The following FNIP1 variants were observed in gnomAD, a reference collection of about 807,000 sequenced individuals.
FNIP1 encodes the protein folliculin-interacting protein 1.
FNIP1 carries 40 observed loss-of-function variants against 124.5 expected under a neutral mutation model. That is an observed-to-expected ratio of 0.32 (90% CI 0.25 to 0.42). The LOEUF (loss-of-function observed/expected upper bound fraction) is 0.42, where lower values mean the gene tolerates loss of function less well. Among genes scored for constraint, FNIP1 ranks in the 10% least tolerant of loss-of-function variants. The pLI, the probability that FNIP1 is intolerant of heterozygous loss-of-function variation, is 1.00. For synonymous variants in FNIP1, 472 were observed against 470.6 expected (o/e 1.00, Z -0.04); for missense variants, 1,176 against 1,403.7 (o/e 0.84, Z 2.59).
chr5:131,656,819 A>C (rs1384887298), intron 15 of FNIP1, among the ~76,000 whole-genome samples: 1 of 152,128 alleles, frequency 6.6e-6, no homozygotes, highest in Non-Finnish European at 1.5e-5. Context: ...CCGAGATTTA[A>C]GGCAGGAAGG....
chr5:131,703,405 A>G (rs1279135532), intron 10 of FNIP1, among the ~76,000 whole-genome samples: 3 of 152,156 alleles, frequency 2.0e-5, no homozygotes, highest in East Asian at 1.9e-4. Context: ...AAACCCTCCA[A>G]TGGTTTCCCA....
chr5:131,682,478 G>A (rs1335679291), intron 11 of FNIP1, among the ~76,000 whole-genome samples: 1 of 151,980 alleles, frequency 6.6e-6, no homozygotes, highest in African/African-American at 2.4e-5. Flanking sequence ...CAGCACTTTG[G>A]GAGGTCTAGG....
chr5:131,764,307 CTTT>C (rs77846852), intron 1 of FNIP1, among the ~76,000 whole-genome samples: 11 of 137,006 alleles, frequency 8.0e-5, no homozygotes, highest in Non-Finnish European at 1.3e-4. Flanking sequence ...CCTAAAACAC[CTTT>C]TTTTTTTTTT....
chr5:131,666,877 A>G (rs1327388596), intron 15 of FNIP1, among the ~76,000 whole-genome samples: 1 of 152,206 alleles, frequency 6.6e-6, no homozygotes, highest in Non-Finnish European at 1.5e-5. Flanking sequence ...GTGTTTGGCG[A>G]TGGGTACAGA....
At chr5:131,697,269 AC>A in intron 11 of FNIP1, among the ~76,000 whole-genome samples, 1 of 152,160 alleles carries the variant, frequency 6.6e-6, no homozygotes. Flanking sequence ...TACGTAGTGT[AC>A]ACAATGTGGT....
At chr5:131,703,313 C>A (rs2149532453) in intron 10 of FNIP1, among the ~76,000 whole-genome samples, 1 of 152,364 alleles carries the variant, frequency 6.6e-6, no homozygotes, top group South Asian at 2.1e-4. Flanking sequence ...GGTCTCACAA[C>A]ATCTACTTTT....
intron 1 of FNIP1, among the ~76,000 whole-genome samples, chr5:131,789,096 T>C (rs1772313908): frequency 6.6e-6 from 1 of 152,132 alleles, no homozygotes; most frequent in South Asian, 2.1e-4. Flanking sequence ...TTAAAAAGAA[T>C]GAAATTCTAT....
chr5:131,644,816 G>T, intron 17 of FNIP1, 53 bp from the exon 18 acceptor site: 2 of 1,549,882 alleles, frequency 1.3e-6, no homozygotes, highest in South Asian at 1.1e-5. Context: ...CTGAGGACAT[G>T]AACTCTACAG....
At chr5:131,674,889 C>G (rs1561648685) in intron 13 of FNIP1, among the ~76,000 whole-genome samples, 1 of 152,062 alleles carries the variant, frequency 6.6e-6, no homozygotes, top group Non-Finnish European at 1.5e-5. Flanking sequence ...GCTATAGATA[C>G]TATTATGATA....
chr5:131,672,534 G>A lies in FNIP1; in HGVS notation c.1910C>T (p.Ser637Phe). 6.2e-7 allele frequency: 1 copy of A among 1,613,914 alleles called. No homozygotes were observed. The highest frequency in any genetic ancestry group is 8.5e-7 in the Non-Finnish European group (1 of 1,180,038). Reference protein sequence around the residue: ...QQEREDIQNSSKELLGISDEC... With the variant: ...QQEREDIQNSFKELLGISDEC... ...ATCTGAAATTCCTAGCAGCTCCTTA[G>A]AGCTGTTTTGAATATCTTCTCTCTC... The change falls in exon 14 of 18, where the codon TCT becomes TTT. Residue 637 changes from serine to phenylalanine, a missense_variant. By Grantham distance (155) the Ser-to-Phe change is radical. Transcript: ENST00000510461.
intron 1 of FNIP1, among the ~76,000 whole-genome samples, chr5:131,787,895 G>A (rs532385008): frequency 1.2e-4 from 19 of 152,234 alleles, no homozygotes; most frequent in Admixed American, 1.1e-3. Context: ...ACCACTGCTC[G>A]AAGTGAAGTT....
rs1767792781 is a variant in FNIP1, at chr5:131,672,530, C to T, written c.1914G>A (p.Lys638=). 2.5e-6 allele frequency: 4 copies of T among 1,613,882 alleles called. No homozygotes were observed. Among genetic ancestry groups the T allele is most frequent in the Non-Finnish European group, 3.4e-6 (4 of 1,180,028 alleles). The stretch of plus-strand genomic sequence containing the variant: ...ACTCATCTGAAATTCCTAGCAGCTC[C>T]TTAGAGCTGTTTTGAATATCTTCTC... ...QEREDIQNSS[K]ELLGISDECQ... is the part of the protein sequence containing the mutation. The change falls in exon 14 of 18, where the codon AAG becomes AAA. Residue 638 remains lysine (K), a synonymous_variant. Transcript: ENST00000510461.
chr5:131,709,844 T>C (rs1769231019), intron 7 of FNIP1, among the ~76,000 whole-genome samples: 1 of 152,198 alleles, frequency 6.6e-6, no homozygotes, highest in African/African-American at 2.4e-5. Flanking sequence ...ATCTAATATT[T>C]ACAGGGAAAG....
At position 131,644,629 on chromosome 5, in the gene FNIP1, C is replaced by A; in HGVS notation, c.*56G>T. 6.9e-7 allele frequency: 1 copy of A among 1,459,824 alleles called. No homozygotes were observed. The highest frequency in any genetic ancestry group is 1.1e-5 in the South Asian group (1 of 87,560). The allele number at this position is 1,459,824 out of a possible 1,614,324, so 90.4% of individuals were successfully genotyped here. ...GAATCTCCATAAATGCATGTTGTGT[C>A]TGCTTCCTTGGTTTCTACCTATTTT... On this transcript the variant is annotated 3_prime_UTR_variant, in exon 18 of 18. Coordinates refer to ENST00000510461, the MANE Select transcript of FNIP1 (RefSeq NM_133372.3).
intron 1 of FNIP1, among the ~76,000 whole-genome samples, chr5:131,767,082 A>G (rs777105044): frequency 3.3e-5 from 5 of 152,128 alleles, no homozygotes; most frequent in Non-Finnish European, 5.9e-5. Context: ...ACTACGGCTT[A>G]TATCACTGCA....
intron 1 of FNIP1, among the ~76,000 whole-genome samples, chr5:131,781,172 T>C (rs1386361615): frequency 1.3e-5 from 2 of 152,212 alleles, no homozygotes; most frequent in Non-Finnish European, 2.9e-5. Flanking sequence ...CTCAACTCTA[T>C]GAAGTCTGAG....
chr5:131,785,329 T>A (rs574228902), intron 1 of FNIP1, among the ~76,000 whole-genome samples: 1 of 151,206 alleles, frequency 6.6e-6, no homozygotes, highest in Non-Finnish European at 1.5e-5. Context: ...TTGAGGCAGG[T>A]GGACTGCTTG....
At chr5:131,746,703 C>T (rs1421121345) in intron 1 of FNIP1, among the ~76,000 whole-genome samples, 1 of 152,148 alleles carries the variant, frequency 6.6e-6, no homozygotes, top group Non-Finnish European at 1.5e-5. Context: ...AGGTTGATTC[C>T]ATGTCTTTGC....
At chr5:131,715,728 T>C (rs1769446669) in intron 6 of FNIP1, among the ~76,000 whole-genome samples, 1 of 152,136 alleles carries the variant, frequency 6.6e-6, no homozygotes, top group Non-Finnish European at 1.5e-5. Context: ...CAGTAATAGG[T>C]GTTTTATAAG....
Sources: allele counts gnomAD v4.1 joint callset (sites outside exome capture counted in the v4.1 genomes callset), GRCh38; gene constraint gnomAD v4.1.1; transcripts MANE v1.5; gene names NCBI Gene and HGNC (gene_info 2026-07-23, HGNC 2026-07-21).